The following IFI16 variants were observed in gnomAD, a reference collection of about 807,000 sequenced individuals.
IFI16 encodes the protein interferon gamma inducible protein 16.
Under a neutral mutation model 68.4 loss-of-function variants are expected in IFI16, and 49 were observed. The observed-to-expected ratio is 0.72, with a 90% CI of 0.57 to 0.91. The LOEUF (loss-of-function observed/expected upper bound fraction) is 0.91. Ranked by LOEUF, IFI16 falls within the 40% of genes least tolerant of loss-of-function variation. The pLI is 0.00. For missense variants in IFI16, 878 were observed against 942.9 expected (o/e 0.93, Z 0.90); for synonymous variants, 307 against 315.0 (o/e 0.97, Z 0.27).
At chr1:159,050,098 A>T (rs1655254039) in intron 9 of IFI16, among the ~76,000 whole-genome samples, 1 of 152,232 alleles carries the variant, frequency 6.6e-6, no homozygotes, top group African/African-American at 2.4e-5. Flanking sequence ...TGTATATACA[A>T]AGAGTCTTAT....
At chr1:159,005,860 G>A (rs1009592329), upstream of IFI16, 6 of 152,220 alleles carry the variant, frequency 3.9e-5, no homozygotes, top group East Asian at 7.7e-4. Flanking sequence ...TAAGCAGGAA[G>A]TAAATAGATT....
intron 1 of IFI16, among the ~76,000 whole-genome samples, chr1:159,013,188 T>G (rs1430429938): frequency 3.7e-5 from 2 of 53,842 alleles, no homozygotes; most frequent in Admixed American, 5.2e-4. Flanking sequence ...TTTTTTTTTT[T>G]GACGGAGTCT....
At chr1:159,009,146 A>G (rs3754464), upstream of IFI16, 10,257 of 152,288 alleles carry the variant, frequency 0.067, 731 homozygotes, top group East Asian at 0.26. Context: ...CGATGCTGTC[A>G]TGTTGAGAGT....
At chr1:159,041,200 G>A (rs1247615177) in intron 7 of IFI16, among the ~76,000 whole-genome samples, 1 of 152,144 alleles carries the variant, frequency 6.6e-6, no homozygotes, top group Non-Finnish European at 1.5e-5. Context: ...GGTTAGAAAT[G>A]GGTTTTCACT....
Position 159,051,108 on chromosome 1 carries a change from C to G in IFI16, c.1666-571C>G, listed in dbSNP as rs187077798. ...AGGCAGGAGGGAACTTTTCTTTAAC[C>G]TCCTCTCTCCACAGTGGCCTGCACT... On this transcript the variant is annotated intron_variant, in intron 9 of 11. Coordinates refer to ENST00000295809, the MANE Select transcript of IFI16 (RefSeq NM_001376587.1). Among the ~76,000 whole-genome samples the G allele has an allele frequency of 3.7e-3, 558 of 152,030 alleles. 2 individuals are homozygous for G. The highest frequency in any genetic ancestry group is 6.3e-3 in the Non-Finnish European group (431 of 67,952).
intron 6 of IFI16, among the ~76,000 whole-genome samples, chr1:159,021,141 G>A (rs112408480): frequency 3.9e-5 from 6 of 152,116 alleles, no homozygotes; most frequent in Non-Finnish European, 7.4e-5. Flanking sequence ...GTGGTGCTTC[G>A]TTATAGGAAT....
chr1:159,010,578 G>A (rs956221961), intron 1 of IFI16, among the ~76,000 whole-genome samples: 9 of 152,146 alleles, frequency 5.9e-5, no homozygotes, highest in African/African-American at 2.2e-4. Context: ...ACATATCTGA[G>A]CATAGAGATG....
At chr1:159,004,052 C>T (rs1256620122), upstream of IFI16, among the ~76,000 whole-genome samples, 1 of 152,202 alleles carries the variant, frequency 6.6e-6, no homozygotes, top group Non-Finnish European at 1.5e-5. Context: ...ACAGCAGTTT[C>T]TTTCCTTGAA....
At chr1:159,002,321 A>G (rs1652091203), upstream of IFI16, among the ~76,000 whole-genome samples, 1 of 152,160 alleles carries the variant, frequency 6.6e-6, no homozygotes, top group Non-Finnish European at 1.5e-5. Flanking sequence ...AAAAATTAAA[A>G]AAGAAAGAAA....
At chr1:159,012,625 A>G (rs547871798) in intron 1 of IFI16, among the ~76,000 whole-genome samples, 1 of 152,354 alleles carries the variant, frequency 6.6e-6, no homozygotes, top group South Asian at 2.1e-4. Context: ...TCAGCAAAGC[A>G]TATTTGCTTC....
Position 159,015,888 on chromosome 1 carries a change from A to G in IFI16, c.282A>G (p.Leu94=), listed in dbSNP as rs750596025. 1.2e-6 allele frequency: 2 copies of G among 1,613,326 alleles called. No homozygotes were observed. Among genetic ancestry groups the G allele is most frequent in the Non-Finnish European group, 8.5e-7 (1 of 1,179,224 alleles). The change falls in exon 3 of 12, where the codon CTA becomes CTG. Residue 94 remains leucine, a synonymous_variant. Coordinates refer to ENST00000295809, the MANE Select transcript of IFI16 (RefSeq NM_001376587.1). ...CTATTCCAGTAAAAGGACCAGCCCT[A>G]TCAAGAAAGAGGAAGAAGGAAGTGG... ...KEKLKVKGPA[L]SRKRKKEVDA...
rs528756680 is a variant in IFI16 at position 159,030,424 on chromosome 1, C to T, written c.1162-2100C>T. On this transcript the variant is annotated intron_variant, in intron 6 of 11. Transcript: ENST00000295809. The stretch of plus-strand genomic sequence containing the variant: ...TCTTCTTCCTTCTCATTTGGGTACA[C>T]TATATCAGAGGAAACATCTGGGACT... Among the ~76,000 whole-genome samples, 3 of 152,260 alleles carry T rather than the reference C, an allele frequency of 2.0e-5. No homozygotes were observed. In the South Asian group the frequency reaches 6.2e-4, roughly 32 times the overall value.
intron 4 of IFI16, 62 bp from the exon 5 acceptor site, chr1:159,018,167 A>C (rs1653055655): frequency 7.1e-7 from 1 of 1,405,032 alleles, no homozygotes; most frequent in Non-Finnish European, 9.9e-7. Context: ...AGGTCACTGA[A>C]TAGCAGTTCT....
intron 6 of IFI16, among the ~76,000 whole-genome samples, chr1:159,020,931 C>A (rs1477220481): frequency 6.6e-6 from 1 of 151,668 alleles, no homozygotes; most frequent in Non-Finnish European, 1.5e-5. Context: ...CATAAAAATA[C>A]CTAATTTGAA....
At chr1:159,007,685 T>C (rs746246720), upstream of IFI16, among the ~76,000 whole-genome samples, 46 of 152,126 alleles carry the variant, frequency 3.0e-4, no homozygotes, top group Admixed American at 5.2e-4. Flanking sequence ...AGCACCCTTA[T>C]AAGAAGAGGT....
chr1:159,043,594 C>T (rs1557878910), intron 7 of IFI16, among the ~76,000 whole-genome samples: 1 of 152,186 alleles, frequency 6.6e-6, no homozygotes, highest in Non-Finnish European at 1.5e-5. Flanking sequence ...TACATCACAG[C>T]TTCTCCCAAG....
intron 10 of IFI16, chr1:159,053,314 C>G: frequency 5.3e-6 from 2 of 380,018 alleles, no homozygotes; most frequent in East Asian, 4.0e-5. Flanking sequence ...TAGAAAAAAT[C>G]CAGCAGACAA....
Position 159,018,253 on chromosome 1 carries a change from C to T in IFI16, c.574C>T (p.Gln192Ter). 1.2e-6 allele frequency: 2 copies of T among 1,613,664 alleles called. No individual in the cohort carries two copies. The highest frequency in any genetic ancestry group is 1.7e-6 in the Non-Finnish European group (2 of 1,179,784). ...GAACCCGAAAACAGTGGCCAAATGT[C>T]AGGTAACTCCCAGAAGAAATGTTCT... is the stretch of plus-strand genomic sequence containing the variant. ...TENPKTVAKC[Q>*]VTPRRNVLQK... is the part of the protein sequence containing the mutation. The change falls in exon 5 of 12, where the codon CAG (glutamine) becomes TAG (stop). Residue 192 changes from glutamine to a stop codon, truncating the protein, a stop_gained. Coordinates refer to ENST00000295809, the MANE Select transcript of IFI16 (RefSeq NM_001376587.1). LOFTEE classifies it high-confidence loss of function.
chr1:159,029,440 T>C (rs1054841924), intron 6 of IFI16, among the ~76,000 whole-genome samples: 2 of 152,196 alleles, frequency 1.3e-5, no homozygotes, highest in South Asian at 4.1e-4. Flanking sequence ...GTCTTGACTT[T>C]AGAGAGCCTG....
Sources: allele counts gnomAD v4.1 joint callset (sites outside exome capture counted in the v4.1 genomes callset), GRCh38; gene constraint gnomAD v4.1.1; transcripts MANE v1.5; gene names NCBI Gene and HGNC (gene_info 2026-07-23, HGNC 2026-07-21).